PDE4D: variants seen among roughly 807,000 people sequenced by gnomAD.
PDE4D encodes the protein phosphodiesterase 4D.
A neutral mutation model predicts 87.4 loss-of-function variants in PDE4D; 24 were observed. That is an observed-to-expected ratio of 0.27 (90% CI 0.20 to 0.39). PDE4D has a LOEUF of 0.39. PDE4D is among the 10% of genes least tolerant of loss of function. The pLI is 1.00. For missense variants in PDE4D, 714 were observed against 1,041.0 expected (o/e 0.69, Z 4.32); for synonymous variants, 384 against 383.2 (o/e 1.00, Z -0.02).
chr5:60,267,368 T>C (rs1227622775), intron 1 of PDE4D, among the ~76,000 whole-genome samples: 6 of 152,170 alleles, frequency 3.9e-5, no homozygotes, highest in Non-Finnish European at 7.4e-5. Context: ...AGTATATAAA[T>C]AAAAATATTT....
At chr5:59,208,246 A>G (rs1410299676) in intron 2 of PDE4D, among the ~76,000 whole-genome samples, 1 of 152,210 alleles carries the variant, frequency 6.6e-6, no homozygotes, top group Non-Finnish European at 1.5e-5. Flanking sequence ...ATAAAATGGT[A>G]TGCTAAATAT....
chr5:60,443,841 C>T (rs1745429534), intron 1 of PDE4D, among the ~76,000 whole-genome samples: 1 of 152,108 alleles, frequency 6.6e-6, no homozygotes, highest in East Asian at 1.9e-4. Flanking sequence ...CATTCAATTA[C>T]TCACAAAATA....
chr5:59,089,881 A>G (rs185880104), intron 5 of PDE4D, among the ~76,000 whole-genome samples: 8 of 152,264 alleles, frequency 5.3e-5, no homozygotes, highest in African/African-American at 1.7e-4. Flanking sequence ...TACTTTTAAG[A>G]GTTGAGAAGT....
intron 1 of PDE4D, among the ~76,000 whole-genome samples, chr5:60,199,028 AG>A (rs1398614868): frequency 6.6e-6 from 1 of 151,754 alleles, no homozygotes; most frequent in African/African-American, 2.4e-5. Context: ...GCTTTTCCAC[AG>A]CCATCAGTGA....
intron 1 of PDE4D, among the ~76,000 whole-genome samples, chr5:59,764,800 C>T (rs1580983607): frequency 6.6e-6 from 1 of 151,900 alleles, no homozygotes; most frequent in East Asian, 1.9e-4. Context: ...GGATTACAGG[C>T]ACACATCACC....
intron 3 of PDE4D, among the ~76,000 whole-genome samples, chr5:59,986,012 G>C (rs1741828623): frequency 6.6e-6 from 1 of 152,222 alleles, no homozygotes. Context: ...CAACAGAAAT[G>C]CTGGGACATA....
intron 1 of PDE4D, among the ~76,000 whole-genome samples, chr5:59,773,642 A>G (rs1763795042): frequency 6.6e-6 from 1 of 151,792 alleles, no homozygotes; most frequent in East Asian, 1.9e-4. Flanking sequence ...TTTTAATTAA[A>G]CTCCATGATA....
intron 2 of PDE4D, among the ~76,000 whole-genome samples, chr5:60,046,209 T>C (rs1178550357): frequency 6.6e-6 from 1 of 152,218 alleles, no homozygotes; most frequent in Admixed American, 6.5e-5. Flanking sequence ...TTTTTGTACA[T>C]TGATTTTGTA....
chr5:60,044,291 T>C (rs1312267617), intron 2 of PDE4D, among the ~76,000 whole-genome samples: 1 of 152,150 alleles, frequency 6.6e-6, no homozygotes, highest in East Asian at 1.9e-4. Flanking sequence ...TATGTACCCA[T>C]AATAATTAAA....
chr5:59,132,193 T>C (rs1344192763), intron 5 of PDE4D, among the ~76,000 whole-genome samples: 1 of 152,184 alleles, frequency 6.6e-6, no homozygotes, highest in African/African-American at 2.4e-5. Context: ...CCCCCACCGT[T>C]CTTTGGAATA....
rs536351735 is a variant in PDE4D, at chr5:59,173,819, CAT to C, written c.808+6774_808+6775del. ...GTCTTCCCTATACACTGACACAACA[CAT>C]GTTTTACTTCAGTATCTCCTGAGGA... On this transcript the variant is annotated intron_variant, in intron 5 of 14. Coordinates refer to ENST00000340635, the MANE Select transcript of PDE4D (RefSeq NM_001104631.2). 9.6e-3 allele frequency among the ~76,000 whole-genome samples: 1,463 copies of C among 152,330 alleles called. 13 individuals carry two copies. The highest frequency in any genetic ancestry group is 0.016 in the Non-Finnish European group (1,080 of 68,030).
At chr5:60,172,265 T>TAC (rs58938460) in intron 2 of PDE4D, among the ~76,000 whole-genome samples, 19,512 of 140,560 alleles carry the variant, frequency 0.14, 2,304 homozygotes, top group African/African-American at 0.33. Context: ...AGTACTTCAA[T>TAC]ACACACACAC....
chr5:59,643,524 A>G (rs1022020744), intron 1 of PDE4D, among the ~76,000 whole-genome samples: 1 of 152,236 alleles, frequency 6.6e-6, no homozygotes, highest in African/African-American at 2.4e-5. Flanking sequence ...TACCTATATC[A>G]AAATTTACTA....
chr5:59,324,969 T>C (rs1016064392), intron 1 of PDE4D, among the ~76,000 whole-genome samples: 6 of 152,174 alleles, frequency 3.9e-5, no homozygotes, highest in Admixed American at 2.6e-4. Context: ...ACTTTATTAA[T>C]GTGGCATCAT....
At chr5:59,970,385 T>C (rs928694991) in intron 3 of PDE4D, among the ~76,000 whole-genome samples, 133 of 152,200 alleles carry the variant, frequency 8.7e-4, no homozygotes, top group Admixed American at 7.2e-4. Context: ...AGAGCTTCTG[T>C]ACAGCAAAAG....
chr5:58,989,166 G>T (rs936758155), intron 10 of PDE4D, among the ~76,000 whole-genome samples: 1 of 60,624 alleles, frequency 1.6e-5, no homozygotes, highest in East Asian at 5.5e-4. Context: ...AATGTCCCTG[G>T]TGGTGGCAGG....
At chr5:60,190,211 A>G (rs1260421898) in intron 1 of PDE4D, among the ~76,000 whole-genome samples, 1 of 152,210 alleles carries the variant, frequency 6.6e-6, no homozygotes, top group Non-Finnish European at 1.5e-5. Flanking sequence ...AAGAAAAGAA[A>G]CATACAAGGA....
rs188614778 is a variant in PDE4D, at chr5:60,401,618, A to G, written c.-90+86324T>C. Reference sequence around the variant, plus strand: ...GTGATCCGCACCAATGTTGATCAGCACTCTGTGGCATCTCCCTCCAGGCCG... The same window carrying G: ...GTGATCCGCACCAATGTTGATCAGCGCTCTGTGGCATCTCCCTCCAGGCCG... On this transcript the variant is annotated intron_variant, in intron 1 of 16. Transcript: ENST00000502484. Among the ~76,000 whole-genome samples the G allele has an allele frequency of 2.5e-3, 381 of 152,206 alleles. 3 individuals are homozygous for G. Among genetic ancestry groups the G allele is most frequent in the African/African-American group, 8.9e-3 (368 of 41,530 alleles).
chr5:60,402,107 G>A (rs1741145322), intron 1 of PDE4D, among the ~76,000 whole-genome samples: 1 of 152,222 alleles, frequency 6.6e-6, no homozygotes, highest in South Asian at 2.1e-4. Flanking sequence ...TCTCAGAGTA[G>A]ATGGGGCCAC....
Sources: gnomAD v4.1 joint callset for allele counts (sites outside exome capture counted in the v4.1 genomes callset) on GRCh38, gnomAD v4.1.1 for gene constraint, MANE v1.5 for transcripts, NCBI Gene and HGNC (gene_info 2026-07-23, HGNC 2026-07-21) for gene names.